Variants in DLGAP2 observed in about 807,000 individuals in gnomAD.
DLGAP2 encodes DLG associated protein 2.
DLGAP2 carries 26 observed loss-of-function variants against 100.3 expected under a neutral mutation model. The observed-to-expected ratio is 0.26, with a 90% confidence interval of 0.19 to 0.36. The LOEUF is 0.36. Ranked by LOEUF, DLGAP2 falls within the 10% of genes least tolerant of loss-of-function variation. The pLI is 1.00. For missense variants in DLGAP2, 1,858 were observed against 1,453.2 expected (o/e 1.28, Z -4.53); for synonymous variants, 886 against 630.1 (o/e 1.41, Z -6.08).
intron 3 of DLGAP2, among the ~76,000 whole-genome samples, chr8:1,295,101 C>G (rs1800141521): frequency 6.6e-6 from 1 of 152,116 alleles, no homozygotes; most frequent in South Asian, 2.1e-4. Context: ...CTACCACGGG[C>G]TCATGTTGCA....
intron 12 of DLGAP2, among the ~76,000 whole-genome samples, chr8:1,684,752 G>C (rs989739740): frequency 5.3e-5 from 8 of 151,800 alleles, no homozygotes; most frequent in Non-Finnish European, 1.0e-4. Flanking sequence ...CAAACCAAAT[G>C]GGTAAATACA....
At chr8:830,223 A>T (rs1483135720) in intron 1 of DLGAP2, among the ~76,000 whole-genome samples, 1 of 152,192 alleles carries the variant, frequency 6.6e-6, no homozygotes, top group Non-Finnish European at 1.5e-5. Context: ...ACATTTTGAT[A>T]CAGGCATGCA....
At chr8:1,362,678 G>A (rs1802013702) in intron 3 of DLGAP2, among the ~76,000 whole-genome samples, 1 of 152,202 alleles carries the variant, frequency 6.6e-6, no homozygotes, top group African/African-American at 2.4e-5. Flanking sequence ...GCAGTGCTGA[G>A]CCCCGAAATA....
At chr8:1,182,459 G>A (rs1797410674) in intron 2 of DLGAP2, among the ~76,000 whole-genome samples, 1 of 152,322 alleles carries the variant, frequency 6.6e-6, no homozygotes, top group South Asian at 2.1e-4. Flanking sequence ...TGAGATGTGG[G>A]TTGCTGAATT....
At chr8:1,338,475 T>G (rs1057264571) in intron 3 of DLGAP2, among the ~76,000 whole-genome samples, 1 of 152,196 alleles carries the variant, frequency 6.6e-6, no homozygotes, top group Non-Finnish European at 1.5e-5. Context: ...TGCCTGGGTC[T>G]GGGGGCAGGA....
chr8:1,651,422 G>C (rs1287290498), intron 8 of DLGAP2, among the ~76,000 whole-genome samples: 1 of 152,136 alleles, frequency 6.6e-6, no homozygotes, highest in East Asian at 1.9e-4. Context: ...TGCTGGTGAG[G>C]GATCCAGCTC....
Position 1,701,417 on chromosome 8 carries a change from C to T in DLGAP2, c.*11C>T. 1.9e-6 allele frequency: 3 copies of T among 1,572,574 alleles called. No individual in the cohort carries two copies. Among genetic ancestry groups the T allele is most frequent in the Non-Finnish European group, 1.7e-6 (2 of 1,160,414 alleles). The stretch of plus-strand genomic sequence containing the variant: ...CAGACCCGGCTCTGAGGGCGGAGGC[C>T]GGCGCCTTCCCCTCGTCGCTTCCGC... On this transcript the variant is annotated 3_prime_UTR_variant, in exon 15 of 15. Coordinates refer to ENST00000637795, the MANE Select transcript of DLGAP2 (RefSeq NM_001346810.2).
At chr8:981,956 A>G (rs184905777) in intron 2 of DLGAP2, among the ~76,000 whole-genome samples, 1 of 152,210 alleles carries the variant, frequency 6.6e-6, no homozygotes, top group Non-Finnish European at 1.5e-5. Flanking sequence ...TGCTGTTCAC[A>G]GGTAAACTGG....
chr8:1,567,550 G>A (rs1802452368), intron 6 of DLGAP2, among the ~76,000 whole-genome samples: 1 of 152,170 alleles, frequency 6.6e-6, no homozygotes, highest in Admixed American at 6.5e-5. Context: ...TCCTGTTGAC[G>A]GGTTCCTTCT....
intron 1 of DLGAP2, among the ~76,000 whole-genome samples, chr8:845,068 C>A (rs1320326984): frequency 6.6e-6 from 1 of 152,206 alleles, no homozygotes; most frequent in Non-Finnish European, 1.5e-5. Context: ...ATCCAGTCAT[C>A]AGTTGAAAGC....
At chr8:1,026,282 G>T (rs1052227023) in intron 2 of DLGAP2, among the ~76,000 whole-genome samples, 1 of 152,186 alleles carries the variant, frequency 6.6e-6, no homozygotes, top group Non-Finnish European at 1.5e-5. Context: ...TGGCGCGCTT[G>T]CCCCATGACC....
chr8:1,321,175 C>T (rs965147787), intron 3 of DLGAP2, among the ~76,000 whole-genome samples: 5 of 149,908 alleles, frequency 3.3e-5, no homozygotes, highest in African/African-American at 1.2e-4. Flanking sequence ...GTGTCTGCGT[C>T]CATGTGTCTC....
chr8:1,416,474 C>T (rs1796886637), intron 3 of DLGAP2, among the ~76,000 whole-genome samples: 1 of 152,214 alleles, frequency 6.6e-6, no homozygotes, highest in Non-Finnish European at 1.5e-5. Flanking sequence ...GGCGGAGAAT[C>T]CGATTTTGCT....
intron 3 of DLGAP2, among the ~76,000 whole-genome samples, chr8:1,330,695 G>T (rs1307887699): frequency 6.8e-6 from 1 of 146,408 alleles, no homozygotes; most frequent in Non-Finnish European, 1.5e-5. Context: ...ACTGAGTTCT[G>T]GGTGGGATTG....
At chr8:841,778 GAATT>G (rs1796988228) in intron 1 of DLGAP2, among the ~76,000 whole-genome samples, 1 of 152,138 alleles carries the variant, frequency 6.6e-6, no homozygotes. Flanking sequence ...ACCGTCACAT[GAATT>G]AATACTGATA....
intron 2 of DLGAP2, among the ~76,000 whole-genome samples, chr8:1,237,527 G>C (rs1192923222): frequency 1.5e-5 from 2 of 131,820 alleles, no homozygotes; most frequent in African/African-American, 3.0e-5. Context: ...CTCACACAGA[G>C]CATCGTGTCT....
In DLGAP2 at chr8:1,549,581, C is replaced by T; in HGVS notation, c.1128C>T (p.Val376=). The T allele has an allele frequency of 1.2e-6, 2 of 1,612,094 alleles. No homozygotes were observed. The highest frequency in any genetic ancestry group is 1.7e-6 in the Non-Finnish European group (2 of 1,179,588). ...LKRSSWSTLT[V]SQAKEAYRKS... ...GCAGCTCCTGGTCTACGCTGACGGT[C>T]AGCCAGGCCAAGGAGGCCTACCGCA... Residue 376 remains valine (V), a synonymous_variant, in exon 5 of 15, where the codon GTC becomes GTT. Coordinates refer to ENST00000637795, the MANE Select transcript of DLGAP2 (RefSeq NM_001346810.2).
chr8:1,355,665 G>T (rs551167596), intron 3 of DLGAP2, among the ~76,000 whole-genome samples: 3 of 152,192 alleles, frequency 2.0e-5, no homozygotes, highest in Middle Eastern at 3.4e-3. Flanking sequence ...ACCTGGCCAA[G>T]TACGAGTATT....
chr8:808,623 G>T (rs1796311783), intron 1 of DLGAP2, among the ~76,000 whole-genome samples: 1 of 152,194 alleles, frequency 6.6e-6, no homozygotes, highest in Admixed American at 6.5e-5. Context: ...CCTGTGTGAG[G>T]AGGGCGGCCG....
Sources: allele counts gnomAD v4.1 joint callset (sites outside exome capture counted in the v4.1 genomes callset), GRCh38; gene constraint gnomAD v4.1.1; transcripts MANE v1.5; gene names NCBI Gene and HGNC (gene_info 2026-07-23, HGNC 2026-07-21).